The following LAMB2 variants were observed in gnomAD, a reference collection of about 807,000 sequenced individuals.
LAMB2 encodes laminin subunit beta 2.
In LAMB2, 119 loss-of-function variants were observed where a neutral mutation model predicts 202.7. That is an observed-to-expected ratio of 0.59 (90% CI 0.51 to 0.68). LAMB2 has a LOEUF of 0.68. LAMB2 is among the 30% of genes least tolerant of loss of function. LAMB2 has a pLI of 0.00. For missense variants in LAMB2, 2,124 were observed against 2,410.6 expected, an observed-to-expected ratio of 0.88 and a Z score of 2.49; for synonymous variants, 818 against 902.2, an observed-to-expected ratio of 0.91 and a Z score of 1.67.
chr3:49,124,485 A>G lies in LAMB2; in HGVS notation c.3237T>C (p.Cys1079=). 1 of 1,613,762 alleles carries G rather than the reference A, an allele frequency of 6.2e-7. No homozygotes were observed. The highest frequency in any genetic ancestry group is 8.5e-7 in the Non-Finnish European group (1 of 1,180,024). The part of the protein sequence containing the change: ...PNVQGPSCDR[C]APNFWNLTSG... ...TGGTGAGGTTCCAGAAGTTGGGGGC[A>G]CAGCGGTCACAGCTAGGGCCCTGGA... is the stretch of plus-strand genomic sequence containing the variant. The change falls in exon 22 of 32, where the codon TGT becomes TGC. Residue 1079 remains cysteine (C), a synonymous_variant. Coordinates refer to ENST00000305544, the MANE Select transcript of LAMB2 (RefSeq NM_002292.4).
intron 15 of LAMB2, among the ~76,000 whole-genome samples, chr3:49,127,802 C>T (rs956335871): frequency 6.6e-6 from 1 of 151,938 alleles, no homozygotes; most frequent in Non-Finnish European, 1.5e-5. Flanking sequence ...GGGCAGATCA[C>T]AAGGTCAGAA....
In LAMB2 at chr3:49,125,748, T is replaced by G; in HGVS notation, c.2487A>C (p.Gln829His). 1 of 1,613,802 alleles carries G rather than the reference T, an allele frequency of 6.2e-7. No individual in the cohort carries two copies. The highest frequency in any genetic ancestry group is 1.7e-5 in the Admixed American group (1 of 59,994). ...AGGGAACAAGGGGCAGAAGAGTACC[T>G]TGACAGCCTGTGGGGCCAAAGCCAT... is the stretch of plus-strand genomic sequence containing the variant. ...GYYGFGPTGC[Q>H]ACQCSHEGAL... Residue 829 changes from glutamine to histidine, a missense_variant and splice_region_variant, in exon 18 of 32, where the codon CAA (glutamine) becomes CAC (histidine). Physicochemically the swap from Gln to His is conservative, Grantham distance 24. Transcript: ENST00000305544.
At position 49,124,761 on chromosome 3, in the gene LAMB2, G is replaced by A; in HGVS notation, c.3049C>T (p.Pro1017Ser). The A allele has an allele frequency of 6.2e-7, 1 of 1,614,210 alleles. No individual in the cohort carries two copies. The highest frequency in any genetic ancestry group is 8.5e-7 in the Non-Finnish European group (1 of 1,180,042). Reference sequence around the variant, plus strand: ...CCAGGCTTGCAGTGGGCACAGTGTGGACCCTCTGTGTGGTGTAAACAGCGC... The same window carrying A: ...CCAGGCTTGCAGTGGGCACAGTGTGAACCCTCTGTGTGGTGTAAACAGCGC... ...CLRCLHHTEG[P>S]HCAHCKPGFH... Residue 1017 changes from proline to serine, a missense_variant, in exon 21 of 32, where the codon CCA (proline) becomes TCA (serine). By Grantham distance (74) the Pro-to-Ser change is moderately conservative. Coordinates refer to ENST00000305544, the MANE Select transcript of LAMB2 (RefSeq NM_002292.4).
In LAMB2 at chr3:49,125,476, A is replaced by G. The variant is rs1560073475; in HGVS notation, c.2497T>C (p.Cys833Arg). ...FGPTGCQACQ[C>R]SHEGALSSLC... is the part of the protein sequence containing the mutation. ...CTGCTGAGTGCCCCCTCGTGGCTGC[A>G]CTGGCAGGCTAGGAGCAAGGCAGAG... The change falls in exon 19 of 32, where the codon TGC becomes CGC. Residue 833 changes from cysteine (C) to arginine (R), a missense_variant. Physicochemically the swap from Cys to Arg is radical, Grantham distance 180. Coordinates refer to ENST00000305544, the MANE Select transcript of LAMB2 (RefSeq NM_002292.4). 2.5e-6 allele frequency: 4 copies of G among 1,596,278 alleles called. No individual in the cohort carries two copies. Among genetic ancestry groups the G allele is most frequent in the Non-Finnish European group, 3.4e-6 (4 of 1,171,656 alleles).
chr3:49,124,845 T>C lies in LAMB2; in HGVS notation c.2965A>G (p.Ser989Gly), dbSNP rs766539657. The C allele has an allele frequency of 1.3e-5, 21 of 1,614,146 alleles. No individual in the cohort carries two copies. The highest frequency in any genetic ancestry group is 3.3e-5 in the Admixed American group (2 of 60,022). Residue 989 changes from serine (S) to glycine (G), a missense_variant, in exon 21 of 32, where the codon AGT becomes GGT. Physicochemically the swap from Ser to Gly is moderately conservative, Grantham distance 56. Coordinates refer to ENST00000305544, the MANE Select transcript of LAMB2 (RefSeq NM_002292.4). ...GGATCCATTGGGTCAATGTTCCCAC[T>C]GCACTCACACAGTTGGCACCGGCCA... Reference protein sequence around the residue: ...PGGRCQLCECSGNIDPMDPDA... With the variant: ...PGGRCQLCECGGNIDPMDPDA...
Position 49,129,905 on chromosome 3 carries a change from T to C in LAMB2, c.1339A>G (p.Thr447Ala). ...CCATCACGGCATTGCTGGCAGCGAG[T>C]GCCCACCACATGTTCTTTGCAGCGA... ...QCRCKEHVVGTRCQQCRDGFF... is the reference protein window; with the variant it reads ...QCRCKEHVVGARCQQCRDGFF... Residue 447 changes from threonine to alanine, a missense_variant, in exon 10 of 32, where the codon ACT becomes GCT. By Grantham distance (58) the Thr-to-Ala change is moderately conservative (BLOSUM62 0). Coordinates refer to ENST00000305544, the MANE Select transcript of LAMB2 (RefSeq NM_002292.4). This position sits in a 1 kb window ranked among gnomAD's most constrained non-coding sequence, Gnocchi z 6.1. 6.2e-7 allele frequency: 1 copy of C among 1,613,870 alleles called. No individual in the cohort carries two copies. Among genetic ancestry groups the C allele is most frequent in the Non-Finnish European group, 8.5e-7 (1 of 1,180,010 alleles).
rs746063299 is a variant in LAMB2, at chr3:49,122,174, T to C, written c.4770A>G (p.Ala1590=). ...GGATGGGGTCAGACCTTGCCCGCCG[T>C]GCATCCTGCAGTAGCTGCTCGGCAC... is the stretch of plus-strand genomic sequence containing the variant. ...VRRAEQLLQD[A]RRARSWAEDE... Residue 1590 remains alanine (A), a synonymous_variant, in exon 28 of 32, where the codon GCA becomes GCG. Coordinates refer to ENST00000305544, the MANE Select transcript of LAMB2 (RefSeq NM_002292.4). 5.0e-6 allele frequency: 8 copies of C among 1,613,592 alleles called. No homozygotes were observed. The South Asian group carries it at 8.8e-5, about 18-fold the overall frequency.
intron 15 of LAMB2, among the ~76,000 whole-genome samples, chr3:49,127,358 T>C (rs545478184): frequency 6.6e-6 from 1 of 152,294 alleles, no homozygotes; most frequent in East Asian, 1.9e-4. Context: ...AGGTTCAATA[T>C]GTTATTCTCT....
Position 49,129,714 on chromosome 3 carries a change from A to T in LAMB2, c.1408T>A (p.Cys470Ser). The change falls in exon 11 of 32, where the codon TGT (cysteine) becomes AGT (serine). Residue 470 changes from cysteine (C) to serine (S), a missense_variant and splice_region_variant. Transcript: ENST00000305544. The surrounding 1 kb of genome is among the most constrained non-coding windows in gnomAD (Gnocchi z 6.1). The stretch of plus-strand genomic sequence containing the variant: ...ACTGTGCCCCGTGCATTACATTGAC[A>T]TCCTGCAGGGAAGGAGAACCATCAG... ...SISDRLGCRR[C>S]QCNARGTVPG... 1 of 1,613,526 alleles carries T rather than the reference A, an allele frequency of 6.2e-7. No individual in the cohort carries two copies. Among genetic ancestry groups the T allele is most frequent in the African/African-American group, 1.3e-5 (1 of 75,030 alleles).
rs1343930357 is a variant in LAMB2, at chr3:49,132,070, A to G, written c.459+46T>C. 1 of 1,571,322 alleles carries G rather than the reference A, an allele frequency of 6.4e-7. No homozygotes were observed. Among genetic ancestry groups the G allele is most frequent in the South Asian group, 1.1e-5 (1 of 90,004 alleles). On this transcript the variant is annotated intron_variant, in intron 4 of 31. Coordinates refer to ENST00000305544, the MANE Select transcript of LAMB2 (RefSeq NM_002292.4). The surrounding 1 kb of genome is among the most constrained non-coding windows in gnomAD (Gnocchi z 4.6). ...CTGAGGCTCTGTCCAGGGGCAATGG[A>G]GAGCCAAGCAGGGTGATTCGGGCAG... is the stretch of plus-strand genomic sequence containing the variant.
In LAMB2 at chr3:49,124,067, G is replaced by A. The variant is rs1450835764; in HGVS notation, c.3458C>T (p.Pro1153Leu). Residue 1153 changes from proline to leucine, a missense_variant, in exon 24 of 32, where the codon CCT (proline) becomes CTT (leucine). By Grantham distance (98) the Pro-to-Leu change is moderately conservative (BLOSUM62 -3). Coordinates refer to ENST00000305544, the MANE Select transcript of LAMB2 (RefSeq NM_002292.4). ...CDCDSRGIDTPQCHRFTGHCS... is the reference protein window; with the variant it reads ...CDCDSRGIDTLQCHRFTGHCS... ...GTGACCTGTGAAGCGGTGACACTGA[G>A]GTGTATCTATTCCACGAGAGTCACA... 1.2e-5 allele frequency: 20 copies of A among 1,613,842 alleles called. No homozygotes were observed. Among genetic ancestry groups the A allele is most frequent in the Non-Finnish European group, 1.6e-5 (19 of 1,180,040 alleles).
At position 49,131,427 on chromosome 3, in the gene LAMB2, G is replaced by A. The variant is rs781358068; in HGVS notation, c.664C>T (p.Leu222=). The A allele has an allele frequency of 5.0e-6, 8 of 1,614,126 alleles. No homozygotes were observed. In the South Asian group the frequency reaches 7.7e-5, roughly 16 times the overall value. ...STEGEVIYRV[L]DPAIPIPDPY... ...TCTGGGATAGGGATGGCAGGGTCCAGCACACGATAGATGACCTGGAGAAGC... is the reference window on the plus strand; with the variant it reads ...TCTGGGATAGGGATGGCAGGGTCCAACACACGATAGATGACCTGGAGAAGC... The change falls in exon 6 of 32, where the codon CTG becomes TTG. Residue 222 remains leucine, a synonymous_variant. Transcript: ENST00000305544. This position sits in a 1 kb window ranked among gnomAD's most constrained non-coding sequence, Gnocchi z 5.0.
chr3:49,121,383 T>C, intron 31 of LAMB2, 21 bp from the exon 32 acceptor site: 2 of 1,614,108 alleles, frequency 1.2e-6, no homozygotes, highest in Non-Finnish European at 8.5e-7. Flanking sequence ...CAGGTGTCAG[T>C]TTAGGGGGGG....
chr3:49,122,696 A>T lies in LAMB2; in HGVS notation c.4573+8T>A. 1 of 1,610,458 alleles carries T rather than the reference A, an allele frequency of 6.2e-7. No individual in the cohort carries two copies. The highest frequency in any genetic ancestry group is 8.5e-7 in the Non-Finnish European group (1 of 1,176,710). ...AACCACATGGCCTGGGACACGTGGG[A>T]GGCTCACGGTTGAGGAAGTCCTTCA... On this transcript the variant is annotated splice_region_variant and intron_variant, in intron 27 of 31. Transcript: ENST00000305544.
rs1278550086 is a variant in LAMB2 at position 49,124,053 on chromosome 3, A to G, written c.3472T>C (p.Phe1158Leu). 2.5e-5 allele frequency: 41 copies of G among 1,613,856 alleles called. No homozygotes were observed. The highest frequency in any genetic ancestry group is 3.4e-5 in the Non-Finnish European group (40 of 1,180,008). Reference sequence around the variant, plus strand: ...GGGCGGCAGCTGCAGTGACCTGTGAAGCGGTGACACTGAGGTGTATCTATT... The same window carrying G: ...GGGCGGCAGCTGCAGTGACCTGTGAGGCGGTGACACTGAGGTGTATCTATT... ...RGIDTPQCHR[F>L]TGHCSCRPGV... Residue 1158 changes from phenylalanine (F) to leucine (L), a missense_variant, in exon 24 of 32, where the codon TTC becomes CTC. Phe to Leu is a conservative substitution (Grantham distance 22, BLOSUM62 0). Coordinates refer to ENST00000305544, the MANE Select transcript of LAMB2 (RefSeq NM_002292.4).
rs144765752 is a variant in LAMB2, at chr3:49,132,631, G to C, written c.109C>G (p.Pro37Ala). ...CCCCTGGAACAGCCAGGCACATCCG[G>C]GGCAGGGGCCTGTGCCAGTGTGGCA... ...LAATLAQAPA[P>A]DVPGCSRGSC... Residue 37 changes from proline (P) to alanine (A), a missense_variant, in exon 2 of 32, where the codon CCG (proline) becomes GCG (alanine). This residue lies in a region of LAMB2 where 166 missense variants were observed against 158.2 expected (regional missense o/e 1.05). Coordinates refer to ENST00000305544, the MANE Select transcript of LAMB2 (RefSeq NM_002292.4). This position sits in a 1 kb window ranked among gnomAD's most constrained non-coding sequence, Gnocchi z 4.6. The C allele has an allele frequency of 3.3e-3, 5,341 of 1,614,024 alleles. 10 individuals are homozygous for C. Among genetic ancestry groups the C allele is most frequent in the Non-Finnish European group, 4.0e-3 (4,754 of 1,180,016 alleles).
At chr3:49,128,842 A>C in intron 13 of LAMB2, 23 bp from the exon 14 acceptor site, 1 of 1,609,676 alleles carries the variant, frequency 6.2e-7, no homozygotes, top group Non-Finnish European at 8.5e-7. Flanking sequence ...GCAGCCAGGG[A>C]TGGAGGCTCA....
At chr3:49,125,669 G>A (rs2045405908) in intron 18 of LAMB2, 78 bp downstream of exon 18, 1 of 1,568,206 alleles carries the variant, frequency 6.4e-7, no homozygotes, top group Non-Finnish European at 8.7e-7. Flanking sequence ...GAAACCAGCA[G>A]CAGGTCCAGA....
chr3:49,131,168 G>C lies in LAMB2; in HGVS notation c.713-16C>G, dbSNP rs776630612. ...TTCAACAGGTCTGAGGCGGGGGAAG[G>C]GGGGCCAACTGACCAGGCAGGCCCT... On this transcript the variant is annotated splice_polypyrimidine_tract_variant and intron_variant, in intron 6 of 31. Transcript: ENST00000305544. This position sits in a 1 kb window ranked among gnomAD's most constrained non-coding sequence, Gnocchi z 5.0. 13 of 1,611,950 alleles carry C rather than the reference G, an allele frequency of 8.1e-6. No homozygotes were observed. The Admixed American group carries it at 1.7e-4, about 21-fold the overall frequency.
Sources: gnomAD v4.1 joint callset for allele counts (sites outside exome capture counted in the v4.1 genomes callset) on GRCh38, gnomAD v4.1.1 for gene constraint, gnomAD v4.1.1 regional missense constraint, Gnocchi (gnomAD v3.1) non-coding constraint, MANE v1.5 for transcripts, NCBI Gene and HGNC (gene_info 2026-07-23, HGNC 2026-07-21) for gene names.